ZNF503: variants seen among roughly 807,000 people sequenced by gnomAD.
ZNF503 encodes zinc finger protein 503, also known as NocA-like zinc finger 2.
In ZNF503, 15 loss-of-function variants were observed where a neutral mutation model predicts 34.4. The observed-to-expected ratio is 0.44, with a 90% confidence interval of 0.29 to 0.67. The LOEUF (loss-of-function observed/expected upper bound fraction) is 0.67. ZNF503 is among the 30% of genes least tolerant of loss of function. The pLI is 0.13. For synonymous variants in ZNF503, 580 were observed against 456.8 expected (o/e 1.27, Z -3.44); for missense variants, 1,007 against 926.8 (o/e 1.09, Z -1.12).
At chr10:75,350,619 C>T in the ZNF503 span, 1 of 152,258 alleles carries the variant, frequency 6.6e-6, no homozygotes, top group Non-Finnish European at 1.5e-5. Flanking sequence ...ATGATCATAG[C>T]TCACTGTAAT....
the ZNF503 span, among the ~76,000 whole-genome samples, chr10:75,387,562 T>C: frequency 6.6e-6 from 1 of 152,238 alleles, no homozygotes; most frequent in Non-Finnish European, 1.5e-5. Context: ...TTCCTGATAT[T>C]CTATCTGGTA....
the ZNF503 span, among the ~76,000 whole-genome samples, chr10:75,353,731 T>C: frequency 2.0e-5 from 3 of 152,170 alleles, no homozygotes; most frequent in Non-Finnish European, 4.4e-5. Context: ...GTGACACCTG[T>C]CCATCCTCAC....
the ZNF503 span, among the ~76,000 whole-genome samples, chr10:75,339,973 T>A: frequency 6.6e-6 from 1 of 151,922 alleles, no homozygotes; most frequent in African/African-American, 2.4e-5. Context: ...CCCAGCACTT[T>A]GGGAGGTAAG....
At chr10:75,343,592 G>T in the ZNF503 span, among the ~76,000 whole-genome samples, 4 of 152,160 alleles carry the variant, frequency 2.6e-5, no homozygotes, top group Non-Finnish European at 5.9e-5. Flanking sequence ...CCTGTTCAGG[G>T]GGCCTCCCCT....
At chr10:75,374,162 A>G in the ZNF503 span, among the ~76,000 whole-genome samples, 1 of 152,130 alleles carries the variant, frequency 6.6e-6, no homozygotes, top group Non-Finnish European at 1.5e-5. Context: ...AAATACAACA[A>G]TTAGCAGGCC....
At chr10:75,337,157 C>CTA in the ZNF503 span, among the ~76,000 whole-genome samples, 1 of 151,914 alleles carries the variant, frequency 6.6e-6, no homozygotes, top group South Asian at 2.1e-4. Flanking sequence ...AACCCCATCT[C>CTA]TACAAAAAAC....
At chr10:75,287,919 G>A in the ZNF503 span, among the ~76,000 whole-genome samples, 1 of 152,196 alleles carries the variant, frequency 6.6e-6, no homozygotes. Context: ...CCAGGATAGG[G>A]TACTGGGGTC....
rs1475564270 is a variant in ZNF503 at position 75,399,145 on chromosome 10, G to A, written c.1545C>T (p.Ile515=). The change falls in exon 2 of 2, where the codon ATC becomes ATT. Residue 515 remains isoleucine (I), a synonymous_variant. Coordinates refer to ENST00000372524, the MANE Select transcript of ZNF503 (RefSeq NM_032772.6). ...GCCCGTTGGCCGACACCCAGTTGCAGATGTGGGGGAGTGGGTCGTTAGGGA... is the reference window on the plus strand; with the variant it reads ...GCCCGTTGGCCGACACCCAGTTGCAAATGTGGGGGAGTGGGTCGTTAGGGA... The part of the protein sequence containing the change: ...FMLPNDPLPH[I]CNWVSANGPC... 16 of 1,613,368 alleles carry A rather than the reference G, an allele frequency of 9.9e-6. No homozygotes were observed. Among genetic ancestry groups the A allele is most frequent in the African/African-American group, 2.7e-5 (2 of 74,920 alleles).
the ZNF503 span, among the ~76,000 whole-genome samples, chr10:75,355,118 T>C: frequency 2.6e-5 from 4 of 152,182 alleles, no homozygotes; most frequent in Middle Eastern, 6.3e-3. Flanking sequence ...GTGCTGGGAT[T>C]ACAGGCATGA....
the ZNF503 span, among the ~76,000 whole-genome samples, chr10:75,303,102 G>C: frequency 2.2e-3 from 338 of 152,292 alleles, 1 homozygote; most frequent in Non-Finnish European, 3.5e-3. Context: ...AGAGCTTCTA[G>C]TTCTGTTACT....
Position 75,400,144 on chromosome 10 carries a change from G to T in ZNF503, c.546C>A (p.Gly182=). 6.4e-7 allele frequency: 1 copy of T among 1,554,478 alleles called. No individual in the cohort carries two copies. Residue 182 remains glycine, a synonymous_variant, in exon 2 of 2, where the codon GGC becomes GGA. Coordinates refer to ENST00000372524, the MANE Select transcript of ZNF503 (RefSeq NM_032772.6). ...KSSFKPYSKP[G]SDKKEPGGGG... Reference sequence around the variant, plus strand: ...CGCCTCCCGGCTCCTTCTTATCCGAGCCGGGTTTGGAGTACGGCTTGAAAC... The same window carrying T: ...CGCCTCCCGGCTCCTTCTTATCCGATCCGGGTTTGGAGTACGGCTTGAAAC...
chr10:75,395,339 C>T (rs537695183), downstream of ZNF503, among the ~76,000 whole-genome samples: 70 of 152,310 alleles, frequency 4.6e-4, no homozygotes, highest in Admixed American at 1.6e-3. The surrounding 1 kb of genome is among the most constrained non-coding windows in gnomAD (Gnocchi z 4.4). Flanking sequence ...AGAAAAGAAG[C>T]GAGGAGTCAC....
Position 75,399,559 on chromosome 10 carries a change from G to A in ZNF503, c.1131C>T (p.His377=), listed in dbSNP as rs1332476584. The A allele has an allele frequency of 3.1e-6, 5 of 1,595,424 alleles. No individual in the cohort carries two copies. The highest frequency in any genetic ancestry group is 2.7e-5 in the African/African-American group (2 of 74,852). Residue 377 remains histidine, a synonymous_variant, in exon 2 of 2, where the codon CAC becomes CAT. Coordinates refer to ENST00000372524, the MANE Select transcript of ZNF503 (RefSeq NM_032772.6). ...GCTTGGTGGGGTCAAGTGCCACGCC[G>A]TGTGGCAGGAACTGGGGCGGGTAGC... is the stretch of plus-strand genomic sequence containing the variant. ...YAGYPPQFLP[H]GVALDPTKPG...
the ZNF503 span, among the ~76,000 whole-genome samples, chr10:75,370,977 T>G: frequency 6.6e-6 from 1 of 152,126 alleles, no homozygotes; most frequent in East Asian, 1.9e-4. Context: ...AGAGATGTCC[T>G]GGCTTTCGAC....
At position 75,399,156 on chromosome 10, in the gene ZNF503, G is replaced by A. The variant is rs1305771928; in HGVS notation, c.1534C>T (p.Leu512Phe). The change falls in exon 2 of 2, where the codon CTC becomes TTC. Residue 512 changes from leucine to phenylalanine, a missense_variant. Transcript: ENST00000372524. ...PYGFMLPNDP[L>F]PHICNWVSAN... Reference sequence around the variant, plus strand: ...GACACCCAGTTGCAGATGTGGGGGAGTGGGTCGTTAGGGAGCATAAAGCCG... The same window carrying A: ...GACACCCAGTTGCAGATGTGGGGGAATGGGTCGTTAGGGAGCATAAAGCCG... 2.5e-6 allele frequency: 4 copies of A among 1,613,168 alleles called. No homozygotes were observed. The highest frequency in any genetic ancestry group is 1.3e-5 in the African/African-American group (1 of 75,042).
the ZNF503 span, among the ~76,000 whole-genome samples, chr10:75,386,739 C>T: frequency 1.3e-5 from 2 of 152,182 alleles, no homozygotes; most frequent in Admixed American, 1.3e-4. Context: ...TTCCTGCTTC[C>T]ATCCCTTTGA....
the ZNF503 span, among the ~76,000 whole-genome samples, chr10:75,333,368 C>T: frequency 4.4e-4 from 16 of 36,660 alleles, no homozygotes; most frequent in African/African-American, 8.2e-4. Flanking sequence ...CGGGCAGAGG[C>T]GCCCCTCACC....
At chr10:75,393,060 T>C (rs1171362791), downstream of ZNF503, among the ~76,000 whole-genome samples, 1 of 152,182 alleles carries the variant, frequency 6.6e-6, no homozygotes, top group Non-Finnish European at 1.5e-5. Context: ...CTGGTCTCAC[T>C]CTAGGAATAT....
At chr10:75,340,194 C>T in the ZNF503 span, among the ~76,000 whole-genome samples, 8 of 150,876 alleles carry the variant, frequency 5.3e-5, no homozygotes, top group Non-Finnish European at 1.2e-4. Flanking sequence ...TGCAGTGAGC[C>T]GTGATCACAC....
Sources: allele counts gnomAD v4.1 joint callset (sites outside exome capture counted in the v4.1 genomes callset), GRCh38; gene constraint gnomAD v4.1.1; non-coding constraint Gnocchi (gnomAD v3.1); transcripts MANE v1.5; gene names NCBI Gene and HGNC (gene_info 2026-07-23, HGNC 2026-07-21).